The following ARID5B variants were observed in gnomAD, a reference collection of about 807,000 sequenced individuals.
ARID5B encodes the protein AT-rich interaction domain 5B.
Under a neutral mutation model 97.2 loss-of-function variants are expected in ARID5B, and 13 were observed. That is an observed-to-expected ratio of 0.13 (90% CI 0.09 to 0.21). ARID5B has a LOEUF of 0.21. Ranked by LOEUF, ARID5B falls within the 10% of genes least tolerant of loss-of-function variation. ARID5B has a pLI of 1.00. For missense variants in ARID5B, 1,210 were observed against 1,465.3 expected (o/e 0.83, Z 2.84); for synonymous variants, 556 against 570.3 (o/e 0.97, Z 0.36).
intron 2 of ARID5B, among the ~76,000 whole-genome samples, chr10:61,925,258 A>G (rs1171757441): frequency 3.3e-5 from 5 of 152,114 alleles, no homozygotes; most frequent in Non-Finnish European, 7.4e-5. Flanking sequence ...TGGTCGAGTC[A>G]TTCCGGATTG....
chr10:61,969,369 C>T (rs182820446), intron 3 of ARID5B, among the ~76,000 whole-genome samples: 33 of 152,144 alleles, frequency 2.2e-4, no homozygotes, highest in Admixed American at 2.1e-3. Context: ...TAGCCTTCTG[C>T]ATATGGAAAA....
chr10:62,019,250 G>A (rs1839322910), intron 4 of ARID5B, among the ~76,000 whole-genome samples: 1 of 152,166 alleles, frequency 6.6e-6, no homozygotes, highest in Admixed American at 6.6e-5. Flanking sequence ...AGACAACATT[G>A]TAATATTTTC....
At chr10:62,076,684 A>G (rs1840141576) in intron 8 of ARID5B, among the ~76,000 whole-genome samples, 1 of 152,124 alleles carries the variant, frequency 6.6e-6, no homozygotes, top group African/African-American at 2.4e-5. Context: ...TCCCCTCTGG[A>G]AAATGTGTAT....
At chr10:62,027,040 A>G (rs1234127960) in intron 4 of ARID5B, among the ~76,000 whole-genome samples, 1 of 152,174 alleles carries the variant, frequency 6.6e-6, no homozygotes, top group Non-Finnish European at 1.5e-5. Context: ...TCACAGTGAC[A>G]AGGTCCTGGG....
At chr10:62,038,380 A>G (rs1271318484) in intron 4 of ARID5B, among the ~76,000 whole-genome samples, 3 of 151,852 alleles carry the variant, frequency 2.0e-5, no homozygotes, top group Admixed American at 2.0e-4. Context: ...TAAAAAAAAA[A>G]AAAGAAAAGA....
intron 5 of ARID5B, among the ~76,000 whole-genome samples, chr10:62,053,803 T>G (rs931074441): frequency 3.3e-5 from 5 of 152,230 alleles, no homozygotes; most frequent in Non-Finnish European, 7.3e-5. Flanking sequence ...TAAACATACT[T>G]TCTATATTTC....
At chr10:62,042,917 A>C (rs1003490925) in intron 4 of ARID5B, among the ~76,000 whole-genome samples, 9 of 51,592 alleles carry the variant, frequency 1.7e-4, no homozygotes, top group Non-Finnish European at 6.3e-4. Flanking sequence ...TCTGTCCCAA[A>C]AAAAAAAAAA....
At chr10:61,990,842 ACTAT>A (rs1177367695) in intron 3 of ARID5B, among the ~76,000 whole-genome samples, 2 of 152,282 alleles carry the variant, frequency 1.3e-5, no homozygotes, top group Middle Eastern at 3.4e-3. Context: ...AACTGTCACC[ACTAT>A]CTATTTCTAG....
rs79426535 is a variant in ARID5B, at chr10:61,969,573, G to A, written c.502+29165G>A. Among the ~76,000 whole-genome samples, 1,318 of 152,222 alleles carry A rather than the reference G, an allele frequency of 8.7e-3. 21 individuals carry two copies. The highest frequency in any genetic ancestry group is 0.029 in the African/African-American group (1,212 of 41,524). On this transcript the variant is annotated intron_variant, in intron 3 of 9. Transcript: ENST00000279873. ...AAGGTGCTGAGGAGGACTGAGTTGA[G>A]TTTACCAAATCAGCCTTCTTGACCC...
chr10:62,085,928 C>T (rs377638509), intron 9 of ARID5B, 28 bp downstream of exon 9: 120 of 1,597,664 alleles, frequency 7.5e-5, no homozygotes, highest in South Asian at 1.1e-5. Flanking sequence ...ATAGAAATAC[C>T]TCTGGAAGAC....
chr10:62,021,220 C>T (rs1295603911), intron 4 of ARID5B, among the ~76,000 whole-genome samples: 2 of 151,886 alleles, frequency 1.3e-5, no homozygotes, highest in East Asian at 3.9e-4. Flanking sequence ...ACATAGTTAT[C>T]GAAAATTGTT....
chr10:61,992,289 G>A (rs1052530654), intron 3 of ARID5B, among the ~76,000 whole-genome samples: 40 of 152,276 alleles, frequency 2.6e-4, no homozygotes, highest in African/African-American at 8.9e-4. Context: ...TCCCGGTCGT[G>A]GCTTAGAATT....
chr10:61,947,268 T>C (rs1838252432), intron 3 of ARID5B, among the ~76,000 whole-genome samples: 1 of 32,714 alleles, frequency 3.1e-5, no homozygotes, highest in Admixed American at 2.4e-4. Context: ...TTTCTTTTTT[T>C]TTTTTTTTTT....
intron 8 of ARID5B, among the ~76,000 whole-genome samples, chr10:62,072,970 G>C (rs1350419064): frequency 2.0e-5 from 3 of 152,210 alleles, no homozygotes; most frequent in Non-Finnish European, 4.4e-5. Flanking sequence ...ATTCTTGCTA[G>C]TCACAGGTTG....
chr10:62,091,379 A>G lies in ARID5B; in HGVS notation c.1916A>G (p.His639Arg). 1 of 1,614,174 alleles carries G rather than the reference A, an allele frequency of 6.2e-7. No individual in the cohort carries two copies. The highest frequency in any genetic ancestry group is 8.5e-7 in the Non-Finnish European group (1 of 1,180,020). The change falls in exon 10 of 10, where the codon CAC becomes CGC. Residue 639 changes from histidine to arginine, a missense_variant. His to Arg is a conservative substitution (Grantham distance 29). This residue lies in a region of ARID5B where 800 missense variants were observed against 839.1 expected (regional missense o/e 0.95). Coordinates refer to ENST00000279873, the MANE Select transcript of ARID5B (RefSeq NM_032199.3). ...KVDQLGSDDI[H>R]NALKQTPKVL... Reference sequence around the variant, plus strand: ...GACCAGCTGGGCAGTGACGACATCCACAATGCGCTCAAGCAGACCCCAAAG... The same window carrying G: ...GACCAGCTGGGCAGTGACGACATCCGCAATGCGCTCAAGCAGACCCCAAAG...
chr10:61,921,277 G>A (rs1193295935), intron 2 of ARID5B, among the ~76,000 whole-genome samples: 1 of 152,150 alleles, frequency 6.6e-6, no homozygotes, highest in Non-Finnish European at 1.5e-5. Flanking sequence ...GGCTTAGCTG[G>A]GTGCCTCTTG....
At chr10:61,982,636 A>G (rs950900530) in intron 3 of ARID5B, among the ~76,000 whole-genome samples, 2 of 152,232 alleles carry the variant, frequency 1.3e-5, no homozygotes, top group African/African-American at 4.8e-5. Context: ...AGCCCAAGAT[A>G]TCATGTGGTG....
At chr10:62,068,513 T>G (rs909229365) in intron 7 of ARID5B, among the ~76,000 whole-genome samples, 4 of 152,112 alleles carry the variant, frequency 2.6e-5, no homozygotes, top group Admixed American at 2.0e-4. Flanking sequence ...GAGCCCCGGT[T>G]GCAAGTTGAG....
At chr10:61,914,263 T>A (rs1019906644) in intron 2 of ARID5B, among the ~76,000 whole-genome samples, 12 of 152,276 alleles carry the variant, frequency 7.9e-5, no homozygotes, top group African/African-American at 2.7e-4. Flanking sequence ...TATGCGAACA[T>A]CTGATACTCA....
Sources: gnomAD v4.1 joint callset for allele counts (sites outside exome capture counted in the v4.1 genomes callset) on GRCh38, gnomAD v4.1.1 for gene constraint, gnomAD v4.1.1 regional missense constraint, MANE v1.5 for transcripts, NCBI Gene and HGNC (gene_info 2026-07-23, HGNC 2026-07-21) for gene names.